The following KIAA1217 variants were observed in gnomAD, a reference collection of about 807,000 sequenced individuals.
The protein encoded by KIAA1217 is KIAA1217.
A neutral mutation model predicts 163.9 loss-of-function variants in KIAA1217; 88 were observed. The ratio of observed to expected loss-of-function variants is 0.54; its 90% CI spans 0.45 to 0.64. KIAA1217 has a LOEUF of 0.64. Among genes scored for constraint, KIAA1217 ranks in the 30% least tolerant of loss-of-function variants. The probability of loss-of-function intolerance (pLI) is 0.00; values close to 1 mark genes in which losing one functional copy is unlikely to be tolerated. For synonymous variants in KIAA1217, 903 were observed against 923.1 expected (o/e 0.98, Z 0.39); for missense variants, 2,372 against 2,475.0 (o/e 0.96, Z 0.88).
chr10:24,421,738 A>G (rs1017611707), intron 3 of KIAA1217, among the ~76,000 whole-genome samples: 2 of 152,208 alleles, frequency 1.3e-5, no homozygotes, highest in African/African-American at 4.8e-5. Flanking sequence ...AGATAAGTGT[A>G]TAGTTTTTTT....
chr10:23,987,147 G>A (rs1350565092), intron 1 of KIAA1217, among the ~76,000 whole-genome samples: 2 of 152,028 alleles, frequency 1.3e-5, no homozygotes, highest in African/African-American at 4.8e-5. Flanking sequence ...GGAGGCAGAG[G>A]CAGGTGTATC....
At chr10:24,372,092 G>T (rs2051738282) in intron 2 of KIAA1217, among the ~76,000 whole-genome samples, 1 of 152,156 alleles carries the variant, frequency 6.6e-6, no homozygotes. Flanking sequence ...AAAACCCATT[G>T]AATACTACGC....
intron 2 of KIAA1217, among the ~76,000 whole-genome samples, chr10:24,044,616 C>T (rs531330486): frequency 2.0e-5 from 3 of 151,970 alleles, no homozygotes; most frequent in East Asian, 1.9e-4. Context: ...TTTTCTCTTC[C>T]GTACTTTTAT....
intron 2 of KIAA1217, among the ~76,000 whole-genome samples, chr10:24,136,754 G>A (rs931668489): frequency 3.3e-5 from 5 of 152,196 alleles, no homozygotes; most frequent in Admixed American, 6.5e-5. Context: ...TTTTGAGTCT[G>A]GTTCTTCGAG....
intron 1 of KIAA1217, among the ~76,000 whole-genome samples, chr10:23,757,619 A>G (rs1833989676): frequency 6.6e-6 from 1 of 151,978 alleles, no homozygotes; most frequent in Non-Finnish European, 1.5e-5. Flanking sequence ...CCGGGTTCCC[A>G]TGATTCTCTT....
intron 2 of KIAA1217, among the ~76,000 whole-genome samples, chr10:24,235,548 G>C (rs1015320596): frequency 2.0e-5 from 3 of 152,222 alleles, no homozygotes; most frequent in South Asian, 2.1e-4. Context: ...CCAGAACTTC[G>C]GATTGCAGCT....
At chr10:23,919,507 G>A (rs530921986) in intron 1 of KIAA1217, among the ~76,000 whole-genome samples, 1 of 151,316 alleles carries the variant, frequency 6.6e-6, no homozygotes, top group South Asian at 2.1e-4. Context: ...TCGGGAGGCT[G>A]CGGAAGGAGA....
chr10:23,780,324 A>T (rs572331258), intron 1 of KIAA1217, among the ~76,000 whole-genome samples: 1 of 152,188 alleles, frequency 6.6e-6, no homozygotes, highest in East Asian at 1.9e-4. Context: ...ATGCATGACA[A>T]TATTATTAAC....
At chr10:24,230,507 T>G (rs112014889) in intron 2 of KIAA1217, among the ~76,000 whole-genome samples, 11 of 134,974 alleles carry the variant, frequency 8.1e-5, no homozygotes, top group Admixed American at 3.7e-4. Flanking sequence ...GTTTTGTTTT[T>G]TTTTTTTTTT....
intron 10 of KIAA1217, among the ~76,000 whole-genome samples, chr10:24,515,270 A>G (rs1315679559): frequency 3.3e-5 from 5 of 151,998 alleles, no homozygotes; most frequent in African/African-American, 1.2e-4. Flanking sequence ...GTTTCACCAT[A>G]TTGGTCAGGC....
chr10:24,442,911 A>ATTTT (rs72335041), intron 5 of KIAA1217, among the ~76,000 whole-genome samples: 247 of 136,554 alleles, frequency 1.8e-3, no homozygotes, highest in East Asian at 5.3e-3. Flanking sequence ...CTTTTGTGGG[A>ATTTT]TTTTTTTTTT....
At chr10:24,213,096 C>T (rs912440023) in intron 1 of KIAA1217, among the ~76,000 whole-genome samples, 2 of 152,154 alleles carry the variant, frequency 1.3e-5, no homozygotes, top group Non-Finnish European at 2.9e-5. Flanking sequence ...TATGATCACC[C>T]TAAGAATAGC....
chr10:23,867,551 T>G (rs988064576), intron 1 of KIAA1217, among the ~76,000 whole-genome samples: 1 of 152,224 alleles, frequency 6.6e-6, no homozygotes, highest in African/African-American at 2.4e-5. Flanking sequence ...TTCTAACTGG[T>G]GTGAGATGGT....
At chr10:24,269,276 A>G (rs34138921) in intron 2 of KIAA1217, among the ~76,000 whole-genome samples, 52,155 of 150,784 alleles carry the variant, frequency 0.35, 9,234 homozygotes, top group African/African-American at 0.38. Context: ...TAATCTCAAC[A>G]GTTTGGGAGA....
chr10:23,807,666 C>G (rs1388587167), intron 1 of KIAA1217, among the ~76,000 whole-genome samples: 1 of 152,156 alleles, frequency 6.6e-6, no homozygotes, highest in Non-Finnish European at 1.5e-5. Flanking sequence ...GAAACAACTT[C>G]CCAGCCTTTC....
chr10:23,952,265 C>A (rs542960226), intron 1 of KIAA1217, among the ~76,000 whole-genome samples: 2 of 152,226 alleles, frequency 1.3e-5, no homozygotes, highest in Admixed American at 6.5e-5. Context: ...CAGAACCACA[C>A]ATTTTCTGAG....
chr10:24,525,561 A>G (rs564669053), intron 13 of KIAA1217, among the ~76,000 whole-genome samples: 13 of 152,352 alleles, frequency 8.5e-5, no homozygotes, highest in African/African-American at 3.1e-4. Flanking sequence ...CTGGAAATTA[A>G]TCTAGAAACA....
intron 17 of KIAA1217, among the ~76,000 whole-genome samples, chr10:24,539,889 G>GTC (rs2074749026): frequency 1.3e-5 from 2 of 152,078 alleles, no homozygotes. Flanking sequence ...TTGTAACCCT[G>GTC]TCTCTCGTTT....
chr10:24,485,569 T>C (rs1052513635), intron 6 of KIAA1217, among the ~76,000 whole-genome samples: 2 of 152,214 alleles, frequency 1.3e-5, no homozygotes, highest in African/African-American at 4.8e-5. Flanking sequence ...GTGCCCCAGA[T>C]GTAAGTTCCA....
Sources: allele counts gnomAD v4.1 joint callset (sites outside exome capture counted in the v4.1 genomes callset), GRCh38; gene constraint gnomAD v4.1.1; transcripts MANE v1.5; gene names NCBI Gene and HGNC (gene_info 2026-07-23, HGNC 2026-07-21).